The following LIMD1 variants were observed in gnomAD, a reference collection of about 807,000 sequenced individuals.
LIMD1 encodes LIM domain-containing protein 1.
LIMD1 carries 23 observed loss-of-function variants against 58.4 expected under a neutral mutation model. The observed-to-expected ratio is 0.39, with a 90% CI of 0.28 to 0.56. The LOEUF (loss-of-function observed/expected upper bound fraction) is 0.56, where lower values mean the gene tolerates loss of function less well. Ranked by LOEUF, LIMD1 falls within the 20% of genes least tolerant of loss-of-function variation. The probability of loss-of-function intolerance (pLI) is 0.57; values close to 1 mark genes in which losing one functional copy is unlikely to be tolerated. For missense variants in LIMD1, 838 were observed against 855.5 expected (o/e 0.98, Z 0.25); for synonymous variants, 334 against 345.5 (o/e 0.97, Z 0.37).
chr3:45,628,579 C>T (rs749351235), intron 1 of LIMD1, among the ~76,000 whole-genome samples: 1 of 152,242 alleles, frequency 6.6e-6, no homozygotes, highest in Non-Finnish European at 1.5e-5. Flanking sequence ...AATGATATAA[C>T]TTCTTCAGAA....
chr3:45,653,898 A>C (rs931316362), intron 2 of LIMD1, among the ~76,000 whole-genome samples: 5 of 136,498 alleles, frequency 3.7e-5, no homozygotes, highest in Admixed American at 7.6e-5. Flanking sequence ...TGACGGAGCA[A>C]GACTGTCTCA....
intron 2 of LIMD1, among the ~76,000 whole-genome samples, chr3:45,649,575 C>T (rs1310429441): frequency 5.4e-5 from 8 of 149,522 alleles, no homozygotes; most frequent in Non-Finnish European, 1.2e-4. Context: ...CAGCTACTGG[C>T]GAGGCTGAGG....
chr3:45,659,577 T>G (rs1697399821), intron 2 of LIMD1, among the ~76,000 whole-genome samples: 1 of 151,980 alleles, frequency 6.6e-6, no homozygotes, highest in Non-Finnish European at 1.5e-5. Context: ...AGGCTCCATC[T>G]CAAAAAAACC....
At chr3:45,620,638 G>C (rs1701620516) in intron 1 of LIMD1, among the ~76,000 whole-genome samples, 1 of 152,002 alleles carries the variant, frequency 6.6e-6, no homozygotes, top group Non-Finnish European at 1.5e-5. Context: ...AAATTAGCTA[G>C]AAATCGCTTG....
intron 2 of LIMD1, among the ~76,000 whole-genome samples, chr3:45,643,129 A>G (rs891341051): frequency 1.3e-5 from 2 of 152,226 alleles, no homozygotes; most frequent in Non-Finnish European, 1.5e-5. Flanking sequence ...CAGAAGCAGC[A>G]GCATGAGAGG....
intron 7 of LIMD1, 107 bp downstream of exon 7, chr3:45,674,518 C>A: frequency 3.6e-6 from 3 of 829,582 alleles, no homozygotes; most frequent in South Asian, 3.1e-5. Context: ...TGGCAAGGGT[C>A]AGCCCTCTAG....
intron 2 of LIMD1, among the ~76,000 whole-genome samples, chr3:45,649,723 A>T (rs113464404): frequency 0.022 from 3,091 of 141,526 alleles, 114 homozygotes; most frequent in African/African-American, 0.073. Context: ...TATATATATA[A>T]AATTATATAG....
chr3:45,670,078 G>A (rs925847367), intron 4 of LIMD1, among the ~76,000 whole-genome samples: 2 of 152,102 alleles, frequency 1.3e-5, no homozygotes, highest in African/African-American at 4.8e-5. Context: ...GGGAAACGTG[G>A]CCCTTCCCCC....
chr3:45,615,586 CT>C (rs1475026594), intron 1 of LIMD1, among the ~76,000 whole-genome samples: 5 of 151,962 alleles, frequency 3.3e-5, no homozygotes, highest in Non-Finnish European at 7.4e-5. Flanking sequence ...AAAACCCCAT[CT>C]CTACTAAAAA....
intron 7 of LIMD1, among the ~76,000 whole-genome samples, chr3:45,676,347 A>C (rs1389198597): frequency 2.2e-5 from 3 of 134,068 alleles, no homozygotes; most frequent in Admixed American, 1.4e-4. Context: ...ATTTCTTCTA[A>C]AAAAAAAAAA....
intron 2 of LIMD1, among the ~76,000 whole-genome samples, chr3:45,650,896 C>T (rs1701964467): frequency 6.6e-6 from 1 of 151,872 alleles, no homozygotes; most frequent in Admixed American, 6.6e-5. Flanking sequence ...AGTTGTACAT[C>T]CTTGAGGAAT....
chr3:45,655,802 C>T (rs1257057792), intron 2 of LIMD1, among the ~76,000 whole-genome samples: 7 of 152,152 alleles, frequency 4.6e-5, no homozygotes, highest in African/African-American at 1.2e-4. Context: ...CCTAGTGTTA[C>T]GTCTCTACGT....
chr3:45,613,912 A>G (rs940702387), intron 1 of LIMD1, among the ~76,000 whole-genome samples: 3 of 151,942 alleles, frequency 2.0e-5, no homozygotes, highest in Non-Finnish European at 4.4e-5. Flanking sequence ...ACTGCCAAAA[A>G]CTTTTCCAAA....
chr3:45,653,136 A>G (rs1207093368), intron 2 of LIMD1, among the ~76,000 whole-genome samples: 1 of 152,244 alleles, frequency 6.6e-6, no homozygotes, highest in Non-Finnish European at 1.5e-5. Flanking sequence ...ATTTTACAAG[A>G]TAATAAGTCT....
At chr3:45,620,749 C>T (rs1051973907) in intron 1 of LIMD1, among the ~76,000 whole-genome samples, 8 of 152,180 alleles carry the variant, frequency 5.3e-5, no homozygotes, top group African/African-American at 1.9e-4. Context: ...CAAAAAGAAT[C>T]ATCAATGGAT....
chr3:45,625,686 T>G (rs574191858), intron 1 of LIMD1, among the ~76,000 whole-genome samples: 1 of 152,284 alleles, frequency 6.6e-6, no homozygotes, highest in East Asian at 1.9e-4. Flanking sequence ...TGGAGCGGGT[T>G]CCTGGTAAAA....
chr3:45,617,346 C>G (rs1701585758), intron 1 of LIMD1, among the ~76,000 whole-genome samples: 3 of 152,112 alleles, frequency 2.0e-5, no homozygotes, highest in Admixed American at 2.0e-4. Flanking sequence ...TGCACCAGTC[C>G]AAGATAGTCT....
chr3:45,623,243 G>A (rs118173685), intron 1 of LIMD1, among the ~76,000 whole-genome samples: 2 of 152,218 alleles, frequency 1.3e-5, no homozygotes, highest in East Asian at 3.9e-4. Context: ...GGAGAGACTC[G>A]AAGTTAAGAC....
intron 4 of LIMD1, among the ~76,000 whole-genome samples, chr3:45,670,086 C>G (rs1207620125): frequency 2.0e-5 from 3 of 152,146 alleles, no homozygotes; most frequent in Non-Finnish European, 4.4e-5. Flanking sequence ...TGGCCCTTCC[C>G]CCATGCTCGC....
Sources: gnomAD v4.1 joint callset for allele counts (sites outside exome capture counted in the v4.1 genomes callset) on GRCh38, gnomAD v4.1.1 for gene constraint, MANE v1.5 for transcripts, NCBI Gene and HGNC (gene_info 2026-07-23, HGNC 2026-07-21) for gene names.